Variants in RETREG1 observed in about 807,000 individuals in gnomAD.
The protein encoded by RETREG1 is reticulophagy regulator 1, also known as family with sequence similarity 134 member B.
RETREG1 carries 44 observed loss-of-function variants against 54.8 expected under a neutral mutation model. That is an observed-to-expected ratio of 0.80 (90% CI 0.63 to 1.03). RETREG1 has a LOEUF of 1.03. Ranked by LOEUF, RETREG1 falls within the 50% of genes least tolerant of loss-of-function variation. RETREG1 has a pLI of 0.00. For synonymous variants in RETREG1, 217 were observed against 238.5 expected (o/e 0.91, Z 0.83); for missense variants, 554 against 605.1 (o/e 0.92, Z 0.89).
intron 3 of RETREG1, among the ~76,000 whole-genome samples, chr5:16,538,676 CAAG>C (rs939773235): frequency 1.3e-4 from 19 of 151,902 alleles, no homozygotes; most frequent in Admixed American, 1.2e-3. Flanking sequence ...ACCTTAGCAT[CAAG>C]AAGAACAAAT....
chr5:16,483,756 A>T (rs1170332608), intron 3 of RETREG1, among the ~76,000 whole-genome samples: 1 of 152,106 alleles, frequency 6.6e-6, no homozygotes, highest in Non-Finnish European at 1.5e-5. Context: ...TAAAACTCAG[A>T]TATGGGATGG....
At position 16,513,220 on chromosome 5, in the gene RETREG1, C is replaced by T. The variant is rs537689720; in HGVS notation, c.459-29748G>A. ...GACAGGGAATCATGGGCTCATCTGGCTCTGAGGATTCTAGAACTCAACCAT... is the reference window on the plus strand; with the variant it reads ...GACAGGGAATCATGGGCTCATCTGGTTCTGAGGATTCTAGAACTCAACCAT... On this transcript the variant is annotated intron_variant, in intron 3 of 8. Transcript: ENST00000306320. Among the ~76,000 whole-genome samples the T allele has an allele frequency of 6.6e-5, 10 of 152,260 alleles. No individual in the cohort carries two copies. In the South Asian group the frequency reaches 2.1e-3, roughly 32 times the overall value.
chr5:16,525,832 C>A (rs987998591), intron 3 of RETREG1, among the ~76,000 whole-genome samples: 1 of 151,938 alleles, frequency 6.6e-6, no homozygotes, highest in Non-Finnish European at 1.5e-5. Flanking sequence ...GAAGTCTGCA[C>A]GGTAGGCCAA....
chr5:16,539,628 C>T (rs1190713505), intron 3 of RETREG1, among the ~76,000 whole-genome samples: 1 of 152,172 alleles, frequency 6.6e-6, no homozygotes, highest in Admixed American at 6.5e-5. Context: ...CTGAGCCTCC[C>T]AGTCCTTTCC....
intron 2 of RETREG1, among the ~76,000 whole-genome samples, chr5:16,570,042 T>A (rs1431194513): frequency 6.6e-6 from 1 of 152,246 alleles, no homozygotes; most frequent in African/African-American, 2.4e-5. Flanking sequence ...TGACACTGAC[T>A]TCGGACTACT....
At chr5:16,489,082 C>CAA (rs567475517) in intron 3 of RETREG1, among the ~76,000 whole-genome samples, 11 of 62,970 alleles carry the variant, frequency 1.7e-4, no homozygotes, top group Non-Finnish European at 2.8e-4. Flanking sequence ...GATTCTGTCT[C>CAA]AAAAAAAAAA....
chr5:16,573,336 C>G (rs1367628018), intron 1 of RETREG1, among the ~76,000 whole-genome samples: 1 of 152,080 alleles, frequency 6.6e-6, no homozygotes, highest in Non-Finnish European at 1.5e-5. Context: ...GCACACAAAC[C>G]CTGCAGTGCT....
Position 16,483,467 on chromosome 5 carries a change from T to C in RETREG1, c.464A>G (p.Glu155Gly). 1 of 1,613,018 alleles carries C rather than the reference T, an allele frequency of 6.2e-7. No individual in the cohort carries two copies. Among genetic ancestry groups the C allele is most frequent in the East Asian group, 2.2e-5 (1 of 44,854 alleles). The part of the protein sequence containing the change: ...QLWRSLSESW[E>G]VINSKPDERP... Reference sequence around the variant, plus strand: ...TTCATCTGGTTTGGAATTGATAACTTCCCAGCTAAAGAGACAAAAAGAAAA... The same window carrying C: ...TTCATCTGGTTTGGAATTGATAACTCCCCAGCTAAAGAGACAAAAAGAAAA... The change falls in exon 4 of 9, where the codon GAA becomes GGA. Residue 155 changes from glutamate to glycine, a missense_variant. Physicochemically the swap from Glu to Gly is moderately conservative, Grantham distance 98 (BLOSUM62 -2). Coordinates refer to ENST00000306320, the MANE Select transcript of RETREG1 (RefSeq NM_001034850.3).
chr5:16,564,394 C>A (rs185293841), intron 3 of RETREG1, among the ~76,000 whole-genome samples: 1 of 152,150 alleles, frequency 6.6e-6, no homozygotes, highest in Non-Finnish European at 1.5e-5. Context: ...TAAAAGATGA[C>A]AATGTAGAAA....
chr5:16,516,696 A>G (rs577885980), intron 3 of RETREG1, among the ~76,000 whole-genome samples: 1 of 152,274 alleles, frequency 6.6e-6, no homozygotes, highest in East Asian at 1.9e-4. Flanking sequence ...CCTGGTTTTG[A>G]CATTTCTTAA....
chr5:16,564,960 G>A (rs1454010891), intron 3 of RETREG1, among the ~76,000 whole-genome samples: 1 of 152,046 alleles, frequency 6.6e-6, no homozygotes, highest in Non-Finnish European at 1.5e-5. Context: ...TTCATTTTGT[G>A]ATGCCCACTT....
At chr5:16,492,229 T>TCTCTCTCTCA (rs1406702350) in intron 3 of RETREG1, among the ~76,000 whole-genome samples, 2,362 of 110,538 alleles carry the variant, frequency 0.021, 26 homozygotes, top group Middle Eastern at 0.041. Context: ...TCTCTCTCTC[T>TCTCTCTCTCA]CACACACACA....
At chr5:16,504,666 A>C (rs1190064051) in intron 3 of RETREG1, among the ~76,000 whole-genome samples, 1 of 152,152 alleles carries the variant, frequency 6.6e-6, no homozygotes, top group African/African-American at 2.4e-5. Context: ...TACGTATCTA[A>C]CTGCACAGGC....
intron 3 of RETREG1, among the ~76,000 whole-genome samples, chr5:16,551,259 C>T (rs1386958640): frequency 6.6e-6 from 1 of 151,904 alleles, no homozygotes; most frequent in Non-Finnish European, 1.5e-5. Context: ...TGGTTTTTCA[C>T]TCCTAAAAAG....
Position 16,518,829 on chromosome 5 carries a change from C to T in RETREG1, c.459-35357G>A, listed in dbSNP as rs188694151. ...AAAATTGAAGCAAACCCTCCACCCA[C>T]TGACTCAAGAGTCTAAGAATTTCCC... On this transcript the variant is annotated intron_variant, in intron 3 of 8. Coordinates refer to ENST00000306320, the MANE Select transcript of RETREG1 (RefSeq NM_001034850.3). Among the ~76,000 whole-genome samples the T allele has an allele frequency of 1.4e-4, 22 of 152,364 alleles. No individual in the cohort carries two copies. In the East Asian group the frequency reaches 4.0e-3, roughly 28 times the overall value.
At chr5:16,616,518 G>C in intron 1 of RETREG1, 134 bp downstream of exon 1, 1 of 1,430,898 alleles carries the variant, frequency 7.0e-7, no homozygotes, top group Non-Finnish European at 9.3e-7. Context: ...ACAGGTGGCC[G>C]AGAAAGTGGG....
intron 3 of RETREG1, among the ~76,000 whole-genome samples, chr5:16,515,606 G>A (rs760459171): frequency 3.9e-5 from 6 of 152,184 alleles, no homozygotes; most frequent in Non-Finnish European, 8.8e-5. Flanking sequence ...CTGCAGTTAA[G>A]GATCAGGAAG....
intron 1 of RETREG1, among the ~76,000 whole-genome samples, chr5:16,576,989 C>T (rs1742340484): frequency 1.3e-5 from 2 of 152,036 alleles, no homozygotes. Flanking sequence ...TTAATGTCAT[C>T]GAATATCCCA....
chr5:16,488,100 G>A (rs1334097361), intron 3 of RETREG1, among the ~76,000 whole-genome samples: 1 of 152,196 alleles, frequency 6.6e-6, no homozygotes, highest in Admixed American at 6.5e-5. Flanking sequence ...TGAGGCAGGT[G>A]TGTCTTACCT....
Sources: allele counts gnomAD v4.1 joint callset (sites outside exome capture counted in the v4.1 genomes callset), GRCh38; gene constraint gnomAD v4.1.1; transcripts MANE v1.5; gene names NCBI Gene and HGNC (gene_info 2026-07-23, HGNC 2026-07-21).